VPS45: variants seen among roughly 807,000 people sequenced by gnomAD.
VPS45 encodes the protein vacuolar protein sorting 45 homolog, also known as vacuolar protein sorting-associated protein 45.
Under a neutral mutation model 75.9 loss-of-function variants are expected in VPS45, and 35 were observed. The observed-to-expected ratio is 0.46, with a 90% CI of 0.35 to 0.61. VPS45 has a LOEUF of 0.61. VPS45 is among the 20% of genes least tolerant of loss of function. The pLI, the probability that VPS45 is intolerant of heterozygous loss-of-function variation, is 0.00. For synonymous variants in VPS45, 220 were observed against 238.2 expected (o/e 0.92, Z 0.70); for missense variants, 559 against 685.9 (o/e 0.81, Z 2.07).
chr1:150,084,519 G>A (rs1655900831), intron 10 of VPS45, among the ~76,000 whole-genome samples: 1 of 152,126 alleles, frequency 6.6e-6, no homozygotes, highest in Non-Finnish European at 1.5e-5. Context: ...CCTGAGAAAT[G>A]ACAAAGTATG....
At chr1:150,101,209 T>C (rs1385822138) in intron 13 of VPS45, among the ~76,000 whole-genome samples, 1 of 149,660 alleles carries the variant, frequency 6.7e-6, no homozygotes, top group Non-Finnish European at 1.5e-5. Context: ...TGGAGGTTGC[T>C]GTGAGCCGAG....
intron 13 of VPS45, among the ~76,000 whole-genome samples, chr1:150,095,601 T>G (rs1656601825): frequency 2.0e-5 from 2 of 99,978 alleles, no homozygotes; most frequent in Non-Finnish European, 2.0e-5. Flanking sequence ...GGCAACAGAG[T>G]GAGACCCCAT....
Position 150,068,737 on chromosome 1 carries a change from G to C in VPS45, c.201G>C (p.Lys67Asn). Reference sequence around the variant, plus strand: ...ATCGAGAGATCATGAAACACCTGAAGGCAATTTGTTTTCTTCGACCTACAA... The same window carrying C: ...ATCGAGAGATCATGAAACACCTGAACGCAATTTGTTTTCTTCGACCTACAA... ...SQNREIMKHLKAICFLRPTKE... is the reference protein window; with the variant it reads ...SQNREIMKHLNAICFLRPTKE... Residue 67 changes from lysine to asparagine, a missense_variant, in exon 2 of 15, where the codon AAG (lysine) becomes AAC (asparagine). Coordinates refer to ENST00000644510, the MANE Select transcript of VPS45 (RefSeq NM_007259.5). 6.2e-7 allele frequency: 1 copy of C among 1,612,186 alleles called. No homozygotes were observed.
intron 14 of VPS45, among the ~76,000 whole-genome samples, chr1:150,127,933 T>A (rs1442536859): frequency 6.6e-6 from 1 of 152,232 alleles, no homozygotes; most frequent in Non-Finnish European, 1.5e-5. Flanking sequence ...GATCATTTAC[T>A]TTTATTTTAA....
intron 10 of VPS45, among the ~76,000 whole-genome samples, chr1:150,087,818 A>G (rs1656093914): frequency 2.0e-5 from 3 of 152,190 alleles, no homozygotes; most frequent in Non-Finnish European, 4.4e-5. Context: ...AGTAGGCAAA[A>G]TAATTACTCG....
intron 14 of VPS45, among the ~76,000 whole-genome samples, chr1:150,141,303 C>A (rs1398251641): frequency 6.6e-6 from 1 of 151,940 alleles, no homozygotes; most frequent in African/African-American, 2.4e-5. Context: ...TTCTAGATTC[C>A]CCTTGGTGTC....
At position 150,092,035 on chromosome 1, in the gene VPS45, T is replaced by C. The variant is rs782480379; in HGVS notation, c.1203T>C (p.Asn401=). 1.9e-6 allele frequency: 3 copies of C among 1,614,106 alleles called. No homozygotes were observed. In the South Asian group the frequency reaches 3.3e-5, roughly 18 times the overall value. The change falls in exon 11 of 15, where the codon AAT becomes AAC. Residue 401 remains asparagine, a synonymous_variant. Coordinates refer to ENST00000644510, the MANE Select transcript of VPS45 (RefSeq NM_007259.5). Reference sequence around the variant, plus strand: ...TACATTATGAGCGACACAGCAGCAATAGCCTGCCAGGACTAATGATGGACC... The same window carrying C: ...TACATTATGAGCGACACAGCAGCAACAGCCTGCCAGGACTAATGATGGACC... ...YALHYERHSS[N]SLPGLMMDLR... is the part of the protein sequence containing the mutation.
intron 14 of VPS45, among the ~76,000 whole-genome samples, chr1:150,129,531 G>A (rs1323064130): frequency 6.6e-6 from 1 of 151,958 alleles, no homozygotes; most frequent in Non-Finnish European, 1.5e-5. Flanking sequence ...CTTTTGCTAT[G>A]AATGTATACA....
intron 14 of VPS45, among the ~76,000 whole-genome samples, chr1:150,129,750 A>G (rs1553811791): frequency 6.6e-6 from 1 of 151,600 alleles, no homozygotes; most frequent in African/African-American, 2.4e-5. Flanking sequence ...GACAGATTTC[A>G]CCATGTTGGC....
intron 14 of VPS45, among the ~76,000 whole-genome samples, chr1:150,123,628 A>G (rs1658351358): frequency 6.6e-6 from 1 of 152,222 alleles, no homozygotes; most frequent in Admixed American, 6.5e-5. Flanking sequence ...TTAGCACTTC[A>G]CAGGTCGATC....
intron 14 of VPS45, among the ~76,000 whole-genome samples, chr1:150,130,945 A>G (rs1289925650): frequency 6.6e-6 from 1 of 152,184 alleles, no homozygotes; most frequent in Non-Finnish European, 1.5e-5. Flanking sequence ...AAATAGGAAC[A>G]TAGAGAAATT....
At chr1:150,069,370 C>T (rs587727526) in intron 2 of VPS45, among the ~76,000 whole-genome samples, 26 of 151,678 alleles carry the variant, frequency 1.7e-4, no homozygotes, top group Middle Eastern at 3.4e-3. Flanking sequence ...AGTTCTTTGG[C>T]CATTTGTCAC....
rs782113558 is a variant in VPS45, at chr1:150,116,421, A to G, written c.1625+5794A>G. On this transcript the variant is annotated intron_variant, in intron 14 of 14. Coordinates refer to ENST00000644510, the MANE Select transcript of VPS45 (RefSeq NM_007259.5). ...GTACTGAAAGTACTTTAAATCTATT[A>G]ATTCATTGAATCCTCACATAAAGTT... 2.3e-4 allele frequency among the ~76,000 whole-genome samples: 35 copies of G among 152,180 alleles called. No homozygotes were observed. In the Middle Eastern group the frequency reaches 0.017, roughly 74 times the overall value.
rs191248799 is a variant in VPS45, at chr1:150,144,106, T to C, written c.1626-603T>C. On this transcript the variant is annotated intron_variant, in intron 14 of 14. Coordinates refer to ENST00000644510, the MANE Select transcript of VPS45 (RefSeq NM_007259.5). ...ACAACAGGATATAATCTGTATTTTG[T>C]TTTATTTTTTAATTTTTTTTTTATT... 1.4e-4 allele frequency among the ~76,000 whole-genome samples: 9 copies of C among 63,450 alleles called. No individual in the cohort carries two copies. In the Admixed American group the frequency reaches 1.8e-3, roughly 12 times the overall value. The allele number at this position is 63,450 out of a possible 152,430, so 41.6% of individuals were successfully genotyped here.
intron 9 of VPS45, 25 bp downstream of exon 9, chr1:150,082,022 A>T: frequency 1.4e-6 from 2 of 1,439,668 alleles, no homozygotes; most frequent in Non-Finnish European, 1.9e-6. Context: ...TACATGAATG[A>T]CAAACATGTG....
intron 13 of VPS45, 31 bp from the exon 14 acceptor site, chr1:150,110,465 T>C: frequency 6.3e-7 from 1 of 1,577,822 alleles, no homozygotes; most frequent in Non-Finnish European, 8.6e-7. Flanking sequence ...TTTCTTATCC[T>C]GTGATAATAT....
chr1:150,129,995 G>T (rs1343593262), intron 14 of VPS45, among the ~76,000 whole-genome samples: 1 of 151,748 alleles, frequency 6.6e-6, no homozygotes, highest in African/African-American at 2.4e-5. Context: ...AGGACTATGG[G>T]CCACCAAGCC....
At chr1:150,089,871 A>G (rs1199673465) in intron 10 of VPS45, among the ~76,000 whole-genome samples, 2 of 152,226 alleles carry the variant, frequency 1.3e-5, no homozygotes, top group Non-Finnish European at 2.9e-5. Flanking sequence ...ATCGAAATCT[A>G]CAGAAGAGAA....
At chr1:150,074,955 CT>C (rs782039324) in intron 3 of VPS45, among the ~76,000 whole-genome samples, 601 of 81,060 alleles carry the variant, frequency 7.4e-3, no homozygotes, top group African/African-American at 0.031. Flanking sequence ...ATTATTTATT[CT>C]TTTTTTTTTT....
Sources: gnomAD v4.1 joint callset for allele counts (sites outside exome capture counted in the v4.1 genomes callset) on GRCh38, gnomAD v4.1.1 for gene constraint, MANE v1.5 for transcripts, NCBI Gene and HGNC (gene_info 2026-07-23, HGNC 2026-07-21) for gene names.